CHRM3: variants seen among roughly 807,000 people sequenced by gnomAD.
The protein encoded by CHRM3 is muscarinic acetylcholine receptor M3.
CHRM3 carries 11 observed loss-of-function variants against 41.8 expected under a neutral mutation model. That is an observed-to-expected ratio of 0.26 (90% CI 0.17 to 0.44). CHRM3 has a LOEUF of 0.44. Ranked by LOEUF, CHRM3 falls within the 20% of genes least tolerant of loss-of-function variation. CHRM3 has a pLI of 1.00. For synonymous variants in CHRM3, 297 were observed against 301.4 expected (o/e 0.99, Z 0.15); for missense variants, 571 against 745.4 (o/e 0.77, Z 2.72).
chr1:239,567,963 C>T (rs937011970), intron 3 of CHRM3, among the ~76,000 whole-genome samples: 1 of 152,156 alleles, frequency 6.6e-6, no homozygotes, highest in African/African-American at 2.4e-5. Flanking sequence ...TCCCATTTGG[C>T]TCCTACTAGG....
intron 2 of CHRM3, among the ~76,000 whole-genome samples, chr1:239,498,402 CT>C (rs1282968901): frequency 2.0e-5 from 3 of 152,022 alleles, no homozygotes; most frequent in Admixed American, 6.6e-5. Context: ...GCAAAAATAA[CT>C]TGCAAAAAAT....
At chr1:239,708,718 T>C (rs981293178) in intron 5 of CHRM3, among the ~76,000 whole-genome samples, 1 of 151,428 alleles carries the variant, frequency 6.6e-6, no homozygotes, top group South Asian at 2.1e-4. Context: ...GCTCTTTGTT[T>C]CTTCTGGTTT....
intron 4 of CHRM3, among the ~76,000 whole-genome samples, chr1:239,650,876 C>T (rs188092886): frequency 1.5e-4 from 23 of 152,152 alleles, no homozygotes; most frequent in East Asian, 5.8e-4. Flanking sequence ...ATATAAAATA[C>T]GGTGTTTTGT....
intron 1 of CHRM3, among the ~76,000 whole-genome samples, chr1:239,462,310 G>A (rs1020815546): frequency 1.3e-5 from 2 of 152,010 alleles, no homozygotes; most frequent in East Asian, 1.9e-4. Context: ...AAATGTCCCT[G>A]GGTTATACCA....
intron 1 of CHRM3, among the ~76,000 whole-genome samples, chr1:239,434,592 A>T (rs1370706748): frequency 6.6e-6 from 1 of 151,954 alleles, no homozygotes; most frequent in South Asian, 2.1e-4. Flanking sequence ...CTTATTTACC[A>T]CTCTCCCAGT....
At chr1:239,838,917 A>T (rs927448390) in intron 6 of CHRM3, among the ~76,000 whole-genome samples, 2 of 152,246 alleles carry the variant, frequency 1.3e-5, no homozygotes, top group African/African-American at 2.4e-5. Context: ...GAATCAAGAA[A>T]ATTTAAAATG....
chr1:239,635,448 T>C (rs939472410), intron 4 of CHRM3, among the ~76,000 whole-genome samples: 54 of 152,364 alleles, frequency 3.5e-4, no homozygotes, highest in African/African-American at 1.3e-3. Context: ...TTTCTCTTTG[T>C]TCTTTGCCCT....
At position 239,561,733 on chromosome 1, in the gene CHRM3, C is replaced by T. The variant is rs562561535; in HGVS notation, c.-313+15984C>T. On this transcript the variant is annotated intron_variant, in intron 3 of 6. Transcript: ENST00000676153. ...AATAATTGTTTATCATATATTTCCTCATTAGCATGTAAACTCTATGAAAAG... is the reference window on the plus strand; with the variant it reads ...AATAATTGTTTATCATATATTTCCTTATTAGCATGTAAACTCTATGAAAAG... Among the ~76,000 whole-genome samples, 15 of 152,062 alleles carry T rather than the reference C, an allele frequency of 9.9e-5. No individual in the cohort carries two copies. In the South Asian group the frequency reaches 2.3e-3, roughly 23 times the overall value.
Position 239,908,520 on chromosome 1 carries a change from AT to A in CHRM3, c.1071del (p.Ile357MetfsTer75). ...ENSASSDEED[I>X]GSETRAIYSI... ...CTCCGCCTCCTCCGACGAGGAGGAC[AT>A]TGGCTCCGAGACGAGAGCCATCTAC... On this transcript the variant is annotated frameshift_variant, in exon 7 of 7. Transcript: ENST00000676153. LOFTEE classifies it high-confidence loss of function. This position sits in a 1 kb window ranked among gnomAD's most constrained non-coding sequence, Gnocchi z 7.2. 2 of 1,594,322 alleles carry A rather than the reference AT, an allele frequency of 1.3e-6. No individual in the cohort carries two copies. The highest frequency in any genetic ancestry group is 1.7e-6 in the Non-Finnish European group (2 of 1,170,298).
At chr1:239,661,333 T>G (rs1036079199) in intron 4 of CHRM3, among the ~76,000 whole-genome samples, 2 of 152,200 alleles carry the variant, frequency 1.3e-5, no homozygotes, top group Non-Finnish European at 2.9e-5. Flanking sequence ...AACAACATAT[T>G]TTAGGTAGTA....
At chr1:239,619,755 G>T (rs1197822264) in intron 3 of CHRM3, among the ~76,000 whole-genome samples, 1 of 151,642 alleles carries the variant, frequency 6.6e-6, no homozygotes, top group Non-Finnish European at 1.5e-5. Flanking sequence ...ACATTGGTGT[G>T]ACCCAAAATA....
At chr1:239,718,638 C>T (rs1180469716) in intron 5 of CHRM3, among the ~76,000 whole-genome samples, 1 of 151,370 alleles carries the variant, frequency 6.6e-6, no homozygotes, top group East Asian at 2.0e-4. Flanking sequence ...TTGCATAGTT[C>T]TAAGGAGTGT....
At chr1:239,820,801 C>A (rs1209307809) in intron 5 of CHRM3, among the ~76,000 whole-genome samples, 1 of 152,002 alleles carries the variant, frequency 6.6e-6, no homozygotes, top group Non-Finnish European at 1.5e-5. Flanking sequence ...TTAGTACTAT[C>A]CAGAAAGGAA....
intron 5 of CHRM3, among the ~76,000 whole-genome samples, chr1:239,797,629 C>T (rs1259309305): frequency 6.6e-6 from 1 of 152,110 alleles, no homozygotes; most frequent in African/African-American, 2.4e-5. Flanking sequence ...CCTTTTGTTC[C>T]AAAGCATTTT....
intron 6 of CHRM3, among the ~76,000 whole-genome samples, chr1:239,897,003 G>A (rs1319951673): frequency 6.6e-6 from 1 of 152,160 alleles, no homozygotes; most frequent in Non-Finnish European, 1.5e-5. Context: ...TATACTGGGT[G>A]CTTTATACAG....
intron 4 of CHRM3, among the ~76,000 whole-genome samples, chr1:239,666,482 G>A (rs941373441): frequency 6.6e-6 from 1 of 151,896 alleles, no homozygotes; most frequent in Non-Finnish European, 1.5e-5. Flanking sequence ...GTGAGTCACC[G>A]AGCCCGGCCT....
At chr1:239,701,365 A>G (rs1375685842) in intron 5 of CHRM3, among the ~76,000 whole-genome samples, 1 of 152,226 alleles carries the variant, frequency 6.6e-6, no homozygotes, top group African/African-American at 2.4e-5. Flanking sequence ...GGGTGCCCAG[A>G]GGCATGGCGC....
At chr1:239,436,665 C>T (rs1204733469) in intron 1 of CHRM3, among the ~76,000 whole-genome samples, 1 of 152,062 alleles carries the variant, frequency 6.6e-6, no homozygotes, top group Non-Finnish European at 1.5e-5. Flanking sequence ...TAATCATGCT[C>T]AGTTACTTTT....
At chr1:239,489,754 C>T (rs542499378) in intron 1 of CHRM3, among the ~76,000 whole-genome samples, 5 of 152,084 alleles carry the variant, frequency 3.3e-5, no homozygotes, top group East Asian at 1.9e-4. Flanking sequence ...TTCTTAAATT[C>T]GAGGAACTAG....
Sources: gnomAD v4.1 joint callset for allele counts (sites outside exome capture counted in the v4.1 genomes callset) on GRCh38, gnomAD v4.1.1 for gene constraint, Gnocchi (gnomAD v3.1) non-coding constraint, MANE v1.5 for transcripts, NCBI Gene and HGNC (gene_info 2026-07-23, HGNC 2026-07-21) for gene names.